SHANK2: variants seen among roughly 807,000 people sequenced by gnomAD.
SHANK2 encodes the protein SH3 and multiple ankyrin repeat domains 2, also known as SH3 and multiple ankyrin repeat domains protein 2.
In SHANK2, 43 loss-of-function variants were observed where a neutral mutation model predicts 133.7. The ratio of observed to expected loss-of-function variants is 0.32; its 90% CI spans 0.25 to 0.41. The LOEUF is 0.41. SHANK2 is among the 10% of genes least tolerant of loss of function. The pLI is 1.00. For synonymous variants in SHANK2, 1,017 were observed against 952.8 expected (o/e 1.07, Z -1.24); for missense variants, 1,994 against 2,235.8 (o/e 0.89, Z 2.18).
At chr11:70,862,763 G>A in intron 11 of SHANK2, 1 of 274,922 alleles carries the variant, frequency 3.6e-6, no homozygotes, top group Non-Finnish European at 7.2e-6. Flanking sequence ...GTGGGGGTGG[G>A]GAGCTTGGTT....
In SHANK2 at chr11:70,485,716, T is replaced by C. The variant is rs1217661712; in HGVS notation, c.4577A>G (p.Asn1526Ser). Residue 1526 changes from asparagine (N) to serine (S), a missense_variant, in exon 25 of 26, where the codon AAT becomes AGT. Transcript: ENST00000601538. The surrounding 1 kb of genome is among the most constrained non-coding windows in gnomAD (Gnocchi z 5.8). Reference sequence around the variant, plus strand: ...TGCATAGACTGTGCAGGTGTCCACATTCTCTCCACCTTCGGAAGACAGGGT... The same window carrying C: ...TGCATAGACTGTGCAGGTGTCCACACTCTCTCCACCTTCGGAAGACAGGGT... ...ISTLSSEGGE[N>S]VDTCTVYADG... 3 of 1,613,962 alleles carry C rather than the reference T, an allele frequency of 1.9e-6. No homozygotes were observed. The highest frequency in any genetic ancestry group is 1.7e-6 in the Non-Finnish European group (2 of 1,180,030).
At chr11:70,938,552 A>G (rs1261328551) in intron 10 of SHANK2, among the ~76,000 whole-genome samples, 1 of 152,196 alleles carries the variant, frequency 6.6e-6, no homozygotes, top group African/African-American at 2.4e-5. Context: ...TTAGCCAAAG[A>G]AACAGTATTT....
At chr11:71,230,080 G>A (rs1173190109) in intron 1 of SHANK2, among the ~76,000 whole-genome samples, 2 of 152,128 alleles carry the variant, frequency 1.3e-5, no homozygotes, top group Non-Finnish European at 2.9e-5. Flanking sequence ...TTGAGGTTAG[G>A]AGCTCGAGAC....
rs376602159 is a variant in SHANK2 at position 71,204,803 on chromosome 11, A to G, written c.-13+19894T>C. Among the ~76,000 whole-genome samples, 58 of 152,234 alleles carry G rather than the reference A, an allele frequency of 3.8e-4. No individual in the cohort carries two copies. The South Asian group carries it at 0.012, about 31-fold the overall frequency. On this transcript the variant is annotated intron_variant, in intron 2 of 25. Coordinates refer to ENST00000601538, the MANE Select transcript of SHANK2 (RefSeq NM_012309.5). ...GAGCCACGCCAGACAAGTCCTGGGA[A>G]GGGGGCAGGAGGCAGGGGTTCGGAG...
At chr11:71,132,152 C>T (rs1352006261) in intron 3 of SHANK2, among the ~76,000 whole-genome samples, 2 of 152,156 alleles carry the variant, frequency 1.3e-5, no homozygotes, top group African/African-American at 2.4e-5. Flanking sequence ...AGGCCTTGTC[C>T]GCCCAGAAGG....
chr11:70,519,153 C>A (rs2059299990), intron 17 of SHANK2, among the ~76,000 whole-genome samples: 1 of 152,070 alleles, frequency 6.6e-6, no homozygotes. Context: ...TCAAGTGATA[C>A]ACCTGGGCCT....
chr11:70,552,149 G>T (rs1425025352), intron 17 of SHANK2, among the ~76,000 whole-genome samples: 1 of 152,206 alleles, frequency 6.6e-6, no homozygotes, highest in Admixed American at 6.5e-5. Flanking sequence ...CTTTGACCTC[G>T]GCTTTGAAGA....
chr11:71,065,828 G>T (rs1951047468), intron 9 of SHANK2, among the ~76,000 whole-genome samples: 1 of 114,158 alleles, frequency 8.8e-6, no homozygotes, highest in African/African-American at 3.6e-5. Flanking sequence ...GGGAAGTTGG[G>T]GGCGGGGCAT....
intron 19 of SHANK2, 65 bp from the exon 20 acceptor site, chr11:70,501,996 G>A (rs2059060578): frequency 3.8e-5 from 58 of 1,526,068 alleles, no homozygotes; most frequent in Non-Finnish European, 4.9e-5. Flanking sequence ...GGAAAGGCAG[G>A]ACTAGCAACA....
intron 21 of SHANK2, among the ~76,000 whole-genome samples, chr11:70,494,509 G>T (rs1179753705): frequency 6.6e-6 from 1 of 152,102 alleles, no homozygotes; most frequent in Non-Finnish European, 1.5e-5. Context: ...GGCCAGGCTG[G>T]TCTCAGACTC....
chr11:70,712,394 A>G (rs1945806858), intron 14 of SHANK2, among the ~76,000 whole-genome samples: 1 of 152,158 alleles, frequency 6.6e-6, no homozygotes, highest in Admixed American at 6.5e-5. Context: ...GGACGTGAAC[A>G]TCTCTGGGGG....
At chr11:70,546,438 A>G (rs1313107884) in intron 17 of SHANK2, among the ~76,000 whole-genome samples, 4 of 152,158 alleles carry the variant, frequency 2.6e-5, no homozygotes, top group African/African-American at 9.7e-5. Context: ...CATATAAAAG[A>G]CAGGAAATTC....
chr11:70,868,810 C>CT (rs1555069632), intron 11 of SHANK2, among the ~76,000 whole-genome samples: 1 of 152,200 alleles, frequency 6.6e-6, no homozygotes, highest in African/African-American at 2.4e-5. Context: ...CCATTCTCTT[C>CT]CACAAACCTG....
At chr11:70,760,660 G>C (rs1346555382) in intron 14 of SHANK2, among the ~76,000 whole-genome samples, 1 of 152,244 alleles carries the variant, frequency 6.6e-6, no homozygotes, top group African/African-American at 2.4e-5. Context: ...TGCTGTGGGA[G>C]TGTGCAGCAC....
chr11:70,895,958 C>A (rs965018009), intron 11 of SHANK2, among the ~76,000 whole-genome samples: 2 of 152,058 alleles, frequency 1.3e-5, no homozygotes, highest in Non-Finnish European at 2.9e-5. Flanking sequence ...GTCATCAACA[C>A]CCCCCTGGAG....
Position 70,556,619 on chromosome 11 carries a change from T to G in SHANK2, c.2062-53688A>C, listed in dbSNP as rs1591576252. Among the ~76,000 whole-genome samples the G allele has an allele frequency of 2.1e-5, 3 of 145,452 alleles. 1 individual carries two copies. The Middle Eastern group carries it at 0.011, about 531-fold the overall frequency. ...TTTTTTTTTTTTTCTTGAGACAGGG[T>G]CTCACTCTGTCACCCAGGCTGGAGT... On this transcript the variant is annotated intron_variant, in intron 17 of 25. Coordinates refer to ENST00000601538, the MANE Select transcript of SHANK2 (RefSeq NM_012309.5).
chr11:70,682,933 C>T (rs563328034), intron 15 of SHANK2, among the ~76,000 whole-genome samples: 5 of 152,034 alleles, frequency 3.3e-5, no homozygotes, highest in South Asian at 2.1e-4. Flanking sequence ...GTGAGGAAAC[C>T]GAGGCCAGGG....
At chr11:70,553,190 T>C (rs1158994049) in intron 17 of SHANK2, among the ~76,000 whole-genome samples, 4 of 151,860 alleles carry the variant, frequency 2.6e-5, no homozygotes, top group African/African-American at 7.3e-5. Context: ...TCTCCCAGGT[T>C]CAAGCAATTC....
intron 3 of SHANK2, among the ~76,000 whole-genome samples, chr11:71,119,481 G>A (rs1952043885): frequency 1.3e-5 from 2 of 151,488 alleles, no homozygotes; most frequent in Non-Finnish European, 2.9e-5. Flanking sequence ...TCTGGAGGCT[G>A]AGGCAGGAGA....
Sources: gnomAD v4.1 joint callset for allele counts (sites outside exome capture counted in the v4.1 genomes callset) on GRCh38, gnomAD v4.1.1 for gene constraint, Gnocchi (gnomAD v3.1) non-coding constraint, MANE v1.5 for transcripts, NCBI Gene and HGNC (gene_info 2026-07-23, HGNC 2026-07-21) for gene names.